The following NECTIN2 variants were observed in gnomAD, a reference collection of about 807,000 sequenced individuals.
The protein encoded by NECTIN2 is nectin cell adhesion molecule 2, also known as nectin-2.
A neutral mutation model predicts 56.9 loss-of-function variants in NECTIN2; 23 were observed. That is an observed-to-expected ratio of 0.40 (90% CI 0.29 to 0.57). The LOEUF (loss-of-function observed/expected upper bound fraction) is 0.57, where lower values mean the gene tolerates loss of function less well. NECTIN2 is among the 20% of genes least tolerant of loss of function. The probability of loss-of-function intolerance (pLI) is 0.38; values close to 1 mark genes in which losing one functional copy is unlikely to be tolerated. For synonymous variants in NECTIN2, 302 were observed against 313.8 expected, an observed-to-expected ratio of 0.96 and a Z score of 0.40; for missense variants, 587 against 718.3, an observed-to-expected ratio of 0.82 and a Z score of 2.09.
At chr19:44,860,100 G>A (rs1387044516) in intron 1 of NECTIN2, among the ~76,000 whole-genome samples, 1 of 152,188 alleles carries the variant, frequency 6.6e-6, no homozygotes. Context: ...AAAGAAGCCA[G>A]ACACAAAGGC....
intron 1 of NECTIN2, 69 bp downstream of exon 1, chr19:44,846,682 G>A (rs1273453234): frequency 1.4e-6 from 2 of 1,475,158 alleles, no homozygotes; most frequent in Non-Finnish European, 1.8e-6. Context: ...AGCTGGGGAA[G>A]CCGAGCACCT....
At chr19:44,855,288 G>A (rs1013760215) in intron 1 of NECTIN2, among the ~76,000 whole-genome samples, 13 of 140,918 alleles carry the variant, frequency 9.2e-5, no homozygotes, top group African/African-American at 2.9e-4. Context: ...AGCAGAGCGT[G>A]GTGGCGGGCG....
Position 44,875,237 on chromosome 19 carries a change from C to T in NECTIN2, c.1042+759C>T, listed in dbSNP as rs111931409. The stretch of plus-strand genomic sequence containing the variant: ...GTGGCACCAGCCAAGATAGACTGAA[C>T]GAAGCCAGATGACACCTGGAAAGGG... On this transcript the variant is annotated intron_variant, in intron 5 of 8. Transcript: ENST00000252483. The surrounding 1 kb of genome is among the most constrained non-coding windows in gnomAD (Gnocchi z 4.2). Among the ~76,000 whole-genome samples the T allele has an allele frequency of 1.8e-3, 272 of 151,992 alleles. 1 individual carries two copies. The highest frequency in any genetic ancestry group is 6.3e-3 in the African/African-American group (261 of 41,486).
At chr19:44,857,708 TTTG>T (rs1184923460) in intron 1 of NECTIN2, among the ~76,000 whole-genome samples, 8 of 148,868 alleles carry the variant, frequency 5.4e-5, no homozygotes, top group Admixed American at 5.3e-4. Context: ...GGTTTTTGTT[TTTG>T]TTTTTTTTTT....
At chr19:44,859,032 G>A (rs977856212) in intron 1 of NECTIN2, among the ~76,000 whole-genome samples, 1 of 152,208 alleles carries the variant, frequency 6.6e-6, no homozygotes, top group Non-Finnish European at 1.5e-5. Flanking sequence ...CACCCAAGGG[G>A]ACTGCCTTCC....
At position 44,846,737 on chromosome 19, in the gene NECTIN2, C is replaced by G; in HGVS notation, c.88+124C>G. On this transcript the variant is annotated intron_variant, in intron 1 of 8. Coordinates refer to ENST00000252483, the MANE Select transcript of NECTIN2 (RefSeq NM_001042724.2). Reference sequence around the variant, plus strand: ...CCCCGAGCCCCCTCTCGCGTGCCCCCTTCCTGGCTGGCCCCACAGACTCCG... The same window carrying G: ...CCCCGAGCCCCCTCTCGCGTGCCCCGTTCCTGGCTGGCCCCACAGACTCCG... The G allele has an allele frequency of 5.9e-6, 7 of 1,177,682 alleles. No homozygotes were observed. In the South Asian group the frequency reaches 1.1e-4, roughly 18 times the overall value. The allele number at this position is 1,177,682 out of a possible 1,614,324, so 73.0% of individuals were successfully genotyped here.
intron 1 of NECTIN2, among the ~76,000 whole-genome samples, chr19:44,848,198 G>A (rs544169695): frequency 1.3e-5 from 2 of 152,254 alleles, no homozygotes; most frequent in East Asian, 3.9e-4. Context: ...GGCAGAAATA[G>A]GCAGATGAGA....
chr19:44,880,265 G>T (rs1969293238), intron 5 of NECTIN2, among the ~76,000 whole-genome samples: 1 of 152,046 alleles, frequency 6.6e-6, no homozygotes, highest in Non-Finnish European at 1.5e-5. Flanking sequence ...GTGCCATGCT[G>T]AGTCCTCCTT....
Position 44,878,163 on chromosome 19 carries a change from T to C in NECTIN2, c.1042+3685T>C, listed in dbSNP as rs138833326. On this transcript the variant is annotated intron_variant, in intron 5 of 8. Transcript: ENST00000252483. ...CCCACCCCCTCACTCCCCAGAGCGA[T>C]CCTCGTGATCTTGTGTCTCCCTTTC... is the stretch of plus-strand genomic sequence containing the variant. 4.4e-4 allele frequency: 270 copies of C among 618,446 alleles called. 1 individual carries two copies. The highest frequency in any genetic ancestry group is 3.9e-3 in the African/African-American group (206 of 53,460). 38.3% of individuals were successfully genotyped at this position (618,446 alleles called of 1,614,324 possible).
At chr19:44,881,377 T>A (rs754526868) in intron 5 of NECTIN2, among the ~76,000 whole-genome samples, 4 of 152,118 alleles carry the variant, frequency 2.6e-5, no homozygotes, top group Non-Finnish European at 5.9e-5. Flanking sequence ...CACAGTCTAC[T>A]TGCTGTTCTT....
chr19:44,886,062 G>A lies in NECTIN2; in HGVS notation c.1260+62G>A, dbSNP rs1379725615. 37 of 1,568,084 alleles carry A rather than the reference G, an allele frequency of 2.4e-5. No individual in the cohort carries two copies. In the Admixed American group the frequency reaches 4.8e-4, roughly 21 times the overall value. On this transcript the variant is annotated intron_variant, in intron 7 of 8. Transcript: ENST00000252483. ...TCCACACCCACCCCAGGGCTGGGAG[G>A]GGCCTGGCAGGGAGAAGCTGGCTGG...
chr19:44,883,126 G>T (rs928873785), intron 6 of NECTIN2, among the ~76,000 whole-genome samples: 1 of 152,138 alleles, frequency 6.6e-6, no homozygotes, highest in Non-Finnish European at 1.5e-5. Context: ...TTGTTATGGA[G>T]AATTTACATT....
Position 44,880,699 on chromosome 19 carries a change from C to T in NECTIN2, c.1043-1512C>T, listed in dbSNP as rs1049963127. On this transcript the variant is annotated intron_variant, in intron 5 of 8. Coordinates refer to ENST00000252483, the MANE Select transcript of NECTIN2 (RefSeq NM_001042724.2). ...TTGGGCTCAAACTCCTGGGCTCAAG[C>T]GATCGATCCTCCCACTTCAGCCTCC... is the stretch of plus-strand genomic sequence containing the variant. 3.3e-5 allele frequency among the ~76,000 whole-genome samples: 5 copies of T among 150,452 alleles called. No homozygotes were observed. The East Asian group carries it at 7.8e-4, about 23-fold the overall frequency.
chr19:44,873,802 G>A, intron 3 of NECTIN2, 114 bp from the exon 4 acceptor site: 1 of 757,940 alleles, frequency 1.3e-6, no homozygotes. Context: ...AGTTTTGACT[G>A]CTGTACCTCC....
chr19:44,846,676 G>T, intron 1 of NECTIN2, 63 bp downstream of exon 1: 1 of 1,485,124 alleles, frequency 6.7e-7, no homozygotes, highest in South Asian at 1.3e-5. Flanking sequence ...CTTCCGAGCT[G>T]GGGAAGCCGA....
intron 1 of NECTIN2, among the ~76,000 whole-genome samples, chr19:44,858,124 C>T (rs1234793491): frequency 1.3e-5 from 2 of 152,110 alleles, no homozygotes. Flanking sequence ...TGATACATTT[C>T]GCATAGCTCA....
At chr19:44,851,093 C>T (rs1236006407) in intron 1 of NECTIN2, among the ~76,000 whole-genome samples, 1 of 151,708 alleles carries the variant, frequency 6.6e-6, no homozygotes, top group Non-Finnish European at 1.5e-5. Flanking sequence ...GAGTCCAGGC[C>T]CCAGCCCTCT....
chr19:44,872,758 G>A (rs748699481), intron 3 of NECTIN2, among the ~76,000 whole-genome samples: 7 of 146,326 alleles, frequency 4.8e-5, no homozygotes, highest in South Asian at 2.1e-4. Flanking sequence ...TCTCTACACC[G>A]ACCCCTGATC....
At chr19:44,871,738 C>A in intron 2 of NECTIN2, 115 bp from the exon 3 acceptor site, 1 of 1,168,388 alleles carries the variant, frequency 8.6e-7, no homozygotes, top group Non-Finnish European at 1.2e-6. Flanking sequence ...TGATAAGCAG[C>A]AGAGCTGGGA....
Sources: allele counts gnomAD v4.1 joint callset (sites outside exome capture counted in the v4.1 genomes callset), GRCh38; gene constraint gnomAD v4.1.1; non-coding constraint Gnocchi (gnomAD v3.1); transcripts MANE v1.5; gene names NCBI Gene and HGNC (gene_info 2026-07-23, HGNC 2026-07-21).